The following TRIM49 variants were observed in gnomAD, a reference collection of about 807,000 sequenced individuals.
The protein encoded by TRIM49 is tripartite motif-containing protein 49.
A neutral mutation model predicts 27.4 loss-of-function variants in TRIM49; 5 were observed. The ratio of observed to expected loss-of-function variants is 0.18; its 90% CI spans 0.10 to 0.38. The LOEUF is 0.38. Among genes scored for constraint, TRIM49 ranks in the 10% least tolerant of loss-of-function variants. TRIM49 has a pLI of 1.00. For missense variants in TRIM49, 188 were observed against 487.5 expected (o/e 0.39, Z 5.79); for synonymous variants, 69 against 166.0 (o/e 0.42, Z 4.49).
At chr11:89,789,432 TCTC>T in the TRIM49 span, 1 of 131,684 alleles carries the variant, frequency 7.6e-6, no homozygotes, top group Non-Finnish European at 1.6e-5. Context: ...CAGGCACACT[TCTC>T]CAAGCTGGCT....
At chr11:89,778,186 C>A in the TRIM49 span, among the ~76,000 whole-genome samples, 4 of 151,728 alleles carry the variant, frequency 2.6e-5, no homozygotes, top group African/African-American at 9.7e-5. Flanking sequence ...CACAAGCTAG[C>A]CAAATTAATT....
At chr11:89,793,286 C>T (rs1291105384), downstream of TRIM49, among the ~76,000 whole-genome samples, 2 of 152,092 alleles carry the variant, frequency 1.3e-5, no homozygotes, top group African/African-American at 4.8e-5. Flanking sequence ...GGATTCACAG[C>T]TGACTTCTAC....
chr11:89,772,983 G>C, the TRIM49 span, among the ~76,000 whole-genome samples: 2 of 135,474 alleles, frequency 1.5e-5, no homozygotes. Context: ...CTGAGGTCAG[G>C]AGTTCGAGTC....
the TRIM49 span, among the ~76,000 whole-genome samples, chr11:89,791,075 T>C: frequency 6.7e-6 from 1 of 149,182 alleles, no homozygotes. Context: ...GTGAAAACCA[T>C]GGCAGGAGAA....
At chr11:89,807,550 A>T (rs911780172) in intron 1 of TRIM49, among the ~76,000 whole-genome samples, 4 of 150,434 alleles carry the variant, frequency 2.7e-5, no homozygotes, top group Non-Finnish European at 4.4e-5. Context: ...CTCTAAGTGC[A>T]CATTTATTTA....
chr11:89,794,842 T>C (rs1204428480), downstream of TRIM49, among the ~76,000 whole-genome samples: 36 of 143,854 alleles, frequency 2.5e-4, no homozygotes, highest in Middle Eastern at 0.011. Flanking sequence ...GAACTTCATG[T>C]CTAAAACACC....
the TRIM49 span, chr11:89,766,692 A>C: frequency 6.5e-7 from 1 of 1,528,308 alleles, no homozygotes; most frequent in Non-Finnish European, 8.8e-7. Context: ...CAAAAAACTC[A>C]CACTTCCACT....
chr11:89,783,558 C>A, the TRIM49 span, among the ~76,000 whole-genome samples: 1 of 122,710 alleles, frequency 8.1e-6, no homozygotes, highest in African/African-American at 3.6e-5. Context: ...GATGAAGGTT[C>A]CTATATAAGA....
At chr11:89,781,793 CT>C in the TRIM49 span, 1 of 781,122 alleles carries the variant, frequency 1.3e-6, no homozygotes, top group Non-Finnish European at 1.9e-6. Flanking sequence ...TCTGTATTTT[CT>C]TGGAAGAAGA....
the TRIM49 span, among the ~76,000 whole-genome samples, chr11:89,775,490 G>A: frequency 0.02 from 2,035 of 100,044 alleles, 9 homozygotes; most frequent in African/African-American, 0.043. Context: ...AGTCACTAAG[G>A]GGAAAGGTGA....
the TRIM49 span, among the ~76,000 whole-genome samples, chr11:89,785,276 C>A: frequency 6.2e-5 from 9 of 144,244 alleles, no homozygotes; most frequent in African/African-American, 8.2e-5. Context: ...AAAATCACCT[C>A]TTGAATGGAG....
the TRIM49 span, among the ~76,000 whole-genome samples, chr11:89,769,892 G>A: frequency 0.014 from 1,539 of 111,312 alleles, 105 homozygotes; most frequent in African/African-American, 0.029. Flanking sequence ...GGGTCACAGG[G>A]CTGGATATGG....
At chr11:89,779,815 A>T in the TRIM49 span, among the ~76,000 whole-genome samples, 4 of 113,656 alleles carry the variant, frequency 3.5e-5, 1 homozygote, top group Admixed American at 2.6e-4. Flanking sequence ...AGGTACTGAC[A>T]TCATTCTCAG....
At chr11:89,800,919 T>C in intron 6 of TRIM49, 47 bp downstream of exon 6, 1 of 1,119,046 alleles carries the variant, frequency 8.9e-7, no homozygotes, top group Non-Finnish European at 1.3e-6. Flanking sequence ...GCTTTGATAG[T>C]CGTGGAATCT....
At chr11:89,782,024 C>CA in the TRIM49 span, 3 of 1,525,086 alleles carry the variant, frequency 2.0e-6, no homozygotes, top group Non-Finnish European at 2.6e-6. Context: ...GTGGGGAGCA[C>CA]AAGCATTCAC....
chr11:89,791,204 T>A, the TRIM49 span, among the ~76,000 whole-genome samples: 1 of 150,704 alleles, frequency 6.6e-6, no homozygotes, highest in African/African-American at 2.4e-5. Flanking sequence ...GAGAAAAGAG[T>A]AAAAAGAAGT....
At chr11:89,782,144 G>A in the TRIM49 span, 2 of 1,551,248 alleles carry the variant, frequency 1.3e-6, no homozygotes, top group Admixed American at 2.0e-5. Context: ...TGATTCTGAT[G>A]AAAGATTTTT....
the TRIM49 span, chr11:89,766,763 T>G: frequency 7.2e-6 from 10 of 1,391,238 alleles, no homozygotes; most frequent in Admixed American, 1.5e-4. Context: ...GAGGAAACAT[T>G]GGGGAGGTGG....
At chr11:89,805,890 G>A (rs1463298276) in intron 2 of TRIM49, among the ~76,000 whole-genome samples, 1 of 149,758 alleles carries the variant, frequency 6.7e-6, no homozygotes, top group Admixed American at 6.6e-5. Flanking sequence ...GCTAATTTTT[G>A]TATTTTTTTA....
Sources: allele counts gnomAD v4.1 joint callset (sites outside exome capture counted in the v4.1 genomes callset), GRCh38; gene constraint gnomAD v4.1.1; transcripts MANE v1.5; gene names NCBI Gene and HGNC (gene_info 2026-07-23, HGNC 2026-07-21).